The following VPS13A variants were observed in gnomAD, a reference collection of about 807,000 sequenced individuals.
VPS13A encodes the protein vacuolar protein sorting 13 homolog A, also known as intermembrane lipid transfer protein VPS13A.
A neutral mutation model predicts 390.9 loss-of-function variants in VPS13A; 264 were observed. The ratio of observed to expected loss-of-function variants is 0.68; its 90% confidence interval spans 0.61 to 0.75. VPS13A has a LOEUF of 0.75. VPS13A is among the 30% of genes least tolerant of loss of function. VPS13A has a pLI of 0.00. For missense variants in VPS13A, 3,409 were observed against 3,733.9 expected, an observed-to-expected ratio of 0.91 and a Z score of 2.27; for synonymous variants, 1,231 against 1,227.1, an observed-to-expected ratio of 1.00 and a Z score of -0.07.
Position 77,250,080 on chromosome 9 carries a change from T to C in VPS13A, c.2038-17T>C, listed in dbSNP as rs1825070189. On this transcript the variant is annotated splice_polypyrimidine_tract_variant and intron_variant, in intron 20 of 71. Transcript: ENST00000360280. ...GAAGTATTTTGCATAGTCTAAACTA[T>C]TAAAATTAACTTGAAGGTGACGAGT... 6.2e-7 allele frequency: 1 copy of C among 1,613,204 alleles called. No individual in the cohort carries two copies. Among genetic ancestry groups the C allele is most frequent in the South Asian group, 1.1e-5 (1 of 91,048 alleles).
intron 17 of VPS13A, among the ~76,000 whole-genome samples, chr9:77,237,534 T>G (rs1824222465): frequency 6.6e-6 from 1 of 151,896 alleles, no homozygotes; most frequent in Non-Finnish European, 1.5e-5. Flanking sequence ...CTGGCTAACT[T>G]TTGTATTTTT....
chr9:77,297,214 A>C (rs961299792), intron 33 of VPS13A, among the ~76,000 whole-genome samples: 1 of 151,684 alleles, frequency 6.6e-6, no homozygotes, highest in African/African-American at 2.4e-5. Flanking sequence ...GATTTGAAAC[A>C]TTTCTTCTTT....
intron 22 of VPS13A, among the ~76,000 whole-genome samples, chr9:77,255,904 A>C (rs755351525): frequency 2.0e-5 from 3 of 151,964 alleles, no homozygotes; most frequent in Non-Finnish European, 4.4e-5. Context: ...TTCTCAGTCT[A>C]ACTAAAGGTT....
At position 77,219,485 on chromosome 9, in the gene VPS13A, T is replaced by C. The variant is rs974048840; in HGVS notation, c.755-469T>C. On this transcript the variant is annotated intron_variant, in intron 10 of 71. Transcript: ENST00000360280. ...CAAGCAGGTAATCCAGAGCAAACTT[T>C]CACTCTTCATCTCTCTCCTTTTACC... 2.6e-5 allele frequency among the ~76,000 whole-genome samples: 4 copies of C among 152,148 alleles called. No homozygotes were observed. The South Asian group carries it at 8.3e-4, about 32-fold the overall frequency.
chr9:77,340,094 T>G, intron 48 of VPS13A, 84 bp from the exon 49 acceptor site: 1 of 1,403,550 alleles, frequency 7.1e-7, no homozygotes, highest in South Asian at 1.2e-5. Flanking sequence ...ATATTTTGTT[T>G]ATGCTAAAAA....
Position 77,416,103 on chromosome 9 carries a change from C to G in VPS13A, c.*97C>G. 2.9e-6 allele frequency: 4 copies of G among 1,402,928 alleles called. No homozygotes were observed. Among genetic ancestry groups the G allele is most frequent in the Admixed American group, 1.7e-5 (1 of 58,082 alleles). The allele number at this position is 1,402,928 out of a possible 1,614,324, so 86.9% of individuals were successfully genotyped here. On this transcript the variant is annotated 3_prime_UTR_variant, in exon 72 of 72. Coordinates refer to ENST00000360280, the MANE Select transcript of VPS13A (RefSeq NM_033305.3). ...GGGAAGCATATTACAGAAATGATTTCAAGTACCCTGTATTCTGGATGCTAA... is the reference window on the plus strand; with the variant it reads ...GGGAAGCATATTACAGAAATGATTTGAAGTACCCTGTATTCTGGATGCTAA...
rs1275862842 is a variant in VPS13A at position 77,275,588 on chromosome 9, A to G, written c.2603A>G (p.Lys868Arg). Reference protein sequence around the residue: ...PTGVKSIRTRKLQKQDCSVNM... With the variant: ...PTGVKSIRTRRLQKQDCSVNM... The stretch of plus-strand genomic sequence containing the variant: ...GGAGTTAAAAGTATTCGAACCAGAA[A>G]GTTACAAAAGCAGGATTGTTCAGTA... Residue 868 changes from lysine (K) to arginine (R), a missense_variant, in exon 25 of 72, where the codon AAG (lysine) becomes AGG (arginine). Lys to Arg is a conservative substitution (Grantham distance 26). Coordinates refer to ENST00000360280, the MANE Select transcript of VPS13A (RefSeq NM_033305.3). The G allele has an allele frequency of 6.8e-6, 11 of 1,613,802 alleles. No homozygotes were observed. Among genetic ancestry groups the G allele is most frequent in the Non-Finnish European group, 9.3e-6 (11 of 1,179,780 alleles).
At chr9:77,215,692 G>A (rs73464096) in intron 10 of VPS13A, among the ~76,000 whole-genome samples, 4,663 of 152,268 alleles carry the variant, frequency 0.031, 230 homozygotes, top group African/African-American at 0.11. Flanking sequence ...GCTAAGACGG[G>A]GTGCCCAAAA....
In VPS13A at chr9:77,293,485, A is replaced by T. The variant is rs763716708; in HGVS notation, c.3484A>T (p.Thr1162Ser). The change falls in exon 32 of 72, where the codon ACG becomes TCG. Residue 1162 changes from threonine (T) to serine (S), a missense_variant. By Grantham distance (58) the Thr-to-Ser change is moderately conservative. Transcript: ENST00000360280. ...TGGTTGCATTGAAGTAGTTTTTGTCACGAAATTTCTATATTCTATATTGGT... is the reference window on the plus strand; with the variant it reads ...TGGTTGCATTGAAGTAGTTTTTGTCTCGAAATTTCTATATTCTATATTGGT... The part of the protein sequence containing the change: ...IVGCIEVVFV[T>S]KFLYSILAFI... The T allele has an allele frequency of 6.3e-7, 1 of 1,589,700 alleles. No individual in the cohort carries two copies. Among genetic ancestry groups the T allele is most frequent in the South Asian group, 1.2e-5 (1 of 84,896 alleles).
chr9:77,370,472 C>T lies in VPS13A; in HGVS notation c.8801C>T (p.Ala2934Val), dbSNP rs1347390131. ...GGTGCTATGGCTAAGGGGGTAGCAG[C>T]TATGACCATGGATGAAGACTACCAA... ...ITGAMAKGVA[A>V]MTMDEDYQQK... The change falls in exon 65 of 72, where the codon GCT becomes GTT. Residue 2934 changes from alanine to valine, a missense_variant. This residue lies in a region of VPS13A where 318 missense variants were observed against 333.7 expected (regional missense o/e 0.95). Coordinates refer to ENST00000360280, the MANE Select transcript of VPS13A (RefSeq NM_033305.3). 1.9e-6 allele frequency: 3 copies of T among 1,613,980 alleles called. No homozygotes were observed. The highest frequency in any genetic ancestry group is 2.5e-6 in the Non-Finnish European group (3 of 1,180,034).
chr9:77,409,254 A>G (rs1394955391), intron 71 of VPS13A, among the ~76,000 whole-genome samples: 1 of 152,216 alleles, frequency 6.6e-6, no homozygotes, highest in Non-Finnish European at 1.5e-5. Flanking sequence ...TGTTAGAAGG[A>G]AAACTAATAA....
Position 77,238,038 on chromosome 9 carries a change from C to T in VPS13A, c.1632C>T (p.Gly544=), listed in dbSNP as rs1315288375. The T allele has an allele frequency of 6.2e-7, 1 of 1,612,088 alleles. No individual in the cohort carries two copies. Among genetic ancestry groups the T allele is most frequent in the Non-Finnish European group, 8.5e-7 (1 of 1,179,116 alleles). The change falls in exon 18 of 72, where the codon GGC becomes GGT. Residue 544 remains glycine, a synonymous_variant. Coordinates refer to ENST00000360280, the MANE Select transcript of VPS13A (RefSeq NM_033305.3). ...ETKIDSFHIT[G]LPDNSEKPRL... ...AAATAGATTCATTTCATATTACTGG[C>T]TTACCAGATAATTCAGAAAAACCCC...
chr9:77,196,160 C>G (rs1350346279), intron 1 of VPS13A, among the ~76,000 whole-genome samples: 1 of 151,992 alleles, frequency 6.6e-6, no homozygotes, highest in Non-Finnish European at 1.5e-5. Context: ...AGAAAAGATA[C>G]CTTGCATAAC....
chr9:77,376,658 T>C (rs1222211655), intron 67 of VPS13A, among the ~76,000 whole-genome samples: 1 of 152,176 alleles, frequency 6.6e-6, no homozygotes, highest in Non-Finnish European at 1.5e-5. Flanking sequence ...CTTTTGAATA[T>C]ATTAAGCTTA....
At chr9:77,249,999 C>T in intron 20 of VPS13A, 98 bp from the exon 21 acceptor site, 1 of 1,335,200 alleles carries the variant, frequency 7.5e-7, no homozygotes, top group Non-Finnish European at 1.0e-6. Context: ...GTGAATTTAT[C>T]CTCTCCTATT....
intron 14 of VPS13A, 85 bp from the exon 15 acceptor site, chr9:77,226,381 A>G (rs1823516001): frequency 7.8e-7 from 1 of 1,285,220 alleles, no homozygotes; most frequent in Admixed American, 1.8e-5. Context: ...CAAGAGGATA[A>G]GTTCTCAGAA....
chr9:77,415,515 T>A (rs1835135852), intron 71 of VPS13A, among the ~76,000 whole-genome samples: 1 of 152,218 alleles, frequency 6.6e-6, no homozygotes, highest in African/African-American at 2.4e-5. Context: ...CAAATTATTT[T>A]AGAATAGAAA....
At position 77,321,243 on chromosome 9, in the gene VPS13A, A is replaced by G; in HGVS notation, c.5490A>G (p.Lys1830=). ...EEENYKVPEY[K]TVISFHSKDQ... Reference sequence around the variant, plus strand: ...AAAACTACAAAGTGCCAGAATATAAAACTGTCATCAGTTTCCATTCAAAAG... The same window carrying G: ...AAAACTACAAAGTGCCAGAATATAAGACTGTCATCAGTTTCCATTCAAAAG... The change falls in exon 43 of 72, where the codon AAA becomes AAG. Residue 1830 remains lysine (K), a synonymous_variant. Transcript: ENST00000360280. 6.2e-7 allele frequency: 1 copy of G among 1,612,402 alleles called. No individual in the cohort carries two copies. The highest frequency in any genetic ancestry group is 8.5e-7 in the Non-Finnish European group (1 of 1,179,012).
Position 77,395,044 on chromosome 9 carries a change from T to A in VPS13A, c.9190-8192T>A, listed in dbSNP as rs370341680. Among the ~76,000 whole-genome samples the A allele has an allele frequency of 1.8e-3, 278 of 152,280 alleles. 2 individuals are homozygous for A. The highest frequency in any genetic ancestry group is 6.1e-3 in the African/African-American group (253 of 41,550). On this transcript the variant is annotated intron_variant, in intron 68 of 71. Transcript: ENST00000360280. ...CTTATAATTCTTGTGTTCACTGGAG[T>A]AACACTTTCATAATACTTTCCTTCA... is the stretch of plus-strand genomic sequence containing the variant.
Sources: allele counts gnomAD v4.1 joint callset (sites outside exome capture counted in the v4.1 genomes callset), GRCh38; gene constraint gnomAD v4.1.1; regional missense constraint gnomAD v4.1.1; transcripts MANE v1.5; gene names NCBI Gene and HGNC (gene_info 2026-07-23, HGNC 2026-07-21).